The following PABPC1L variants were observed in gnomAD, a reference collection of about 807,000 sequenced individuals.
The protein encoded by PABPC1L is poly(A) binding protein cytoplasmic 1 like, also known as polyadenylate-binding protein 1-like.
In PABPC1L, 31 loss-of-function variants were observed where a neutral mutation model predicts 66.6. The observed-to-expected ratio is 0.47, with a 90% confidence interval of 0.35 to 0.63. The LOEUF is 0.63. Ranked by LOEUF, PABPC1L falls within the 20% of genes least tolerant of loss-of-function variation. PABPC1L has a pLI of 0.00. For synonymous variants in PABPC1L, 348 were observed against 335.1 expected (o/e 1.04, Z -0.42); for missense variants, 722 against 848.8 (o/e 0.85, Z 1.86).
chr20:44,925,664 C>CA (rs1281111591), intron 7 of PABPC1L, among the ~76,000 whole-genome samples: 1 of 152,184 alleles, frequency 6.6e-6, no homozygotes, highest in Non-Finnish European at 1.5e-5. Flanking sequence ...AAACATCCTT[C>CA]AGGGAGCCTT....
chr20:44,921,591 C>T lies in PABPC1L; in HGVS notation c.739-3C>T. On this transcript the variant is annotated splice_region_variant and splice_polypyrimidine_tract_variant and intron_variant, in intron 5 of 14. Transcript: ENST00000217073. ...CAAGCATGTTCCCTCCTCCTTTCCC[C>T]AGGCCGTGGTCCATATGAACGGGAA... 6.2e-7 allele frequency: 1 copy of T among 1,613,768 alleles called. No individual in the cohort carries two copies. The highest frequency in any genetic ancestry group is 8.5e-7 in the Non-Finnish European group (1 of 1,179,870).
chr20:44,925,328 C>G (rs1469759704), intron 7 of PABPC1L, among the ~76,000 whole-genome samples: 2 of 151,902 alleles, frequency 1.3e-5, no homozygotes, highest in South Asian at 4.2e-4. Context: ...AGGAGCAAAT[C>G]AGATGTGATC....
intron 10 of PABPC1L, among the ~76,000 whole-genome samples, chr20:44,933,748 ATTT>A (rs749525367): frequency 3.3e-5 from 4 of 119,460 alleles, no homozygotes; most frequent in African/African-American, 3.3e-5. Context: ...CCCAGCCTTA[ATTT>A]TTTTTTTTTT....
At chr20:44,927,869 A>T (rs6065765) in intron 7 of PABPC1L, among the ~76,000 whole-genome samples, 1 of 151,446 alleles carries the variant, frequency 6.6e-6, no homozygotes, top group Non-Finnish European at 1.5e-5. Flanking sequence ...TTTTTATATT[A>T]CCCAGGCTGG....
rs528105678 is a variant in PABPC1L, at chr20:44,922,708, T to C, written c.876+977T>C. Among the ~76,000 whole-genome samples, 6 of 152,328 alleles carry C rather than the reference T, an allele frequency of 3.9e-5. 1 individual carries two copies. In the South Asian group the frequency reaches 1.2e-3, roughly 32 times the overall value. On this transcript the variant is annotated intron_variant, in intron 6 of 14. Transcript: ENST00000217073. ...TTTCATAAAAGTTCTAGATCCTTCATGGAGAGGGGCATATAAATATACATA... is the reference window on the plus strand; with the variant it reads ...TTTCATAAAAGTTCTAGATCCTTCACGGAGAGGGGCATATAAATATACATA...
At chr20:44,931,077 C>CTT (rs1452862011) in intron 8 of PABPC1L, among the ~76,000 whole-genome samples, 2 of 84,756 alleles carry the variant, frequency 2.4e-5, no homozygotes, top group African/African-American at 7.8e-5. Context: ...CCCTCCCTCC[C>CTT]TCCCTCCCTC....
rs746706987 is a variant in PABPC1L, at chr20:44,935,423, G to T, written c.1492G>T (p.Gly498Trp). ...TGGTACTCAGACCACAGGACCCAGT[G>T]GGGTAGGATGCTGTACACCAGGCCG... ...NIGTQTTGPSGVGCCTPGRPL... is the reference protein window; with the variant it reads ...NIGTQTTGPSWVGCCTPGRPL... The change falls in exon 11 of 15, where the codon GGG becomes TGG. Residue 498 changes from glycine (G) to tryptophan (W), a missense_variant. Coordinates refer to ENST00000217073, the MANE Select transcript of PABPC1L (RefSeq NM_001372179.1). 1 of 1,614,198 alleles carries T rather than the reference G, an allele frequency of 6.2e-7. No homozygotes were observed. The highest frequency in any genetic ancestry group is 8.5e-7 in the Non-Finnish European group (1 of 1,180,022).
intron 7 of PABPC1L, among the ~76,000 whole-genome samples, chr20:44,924,740 GCA>G (rs1332607247): frequency 6.6e-6 from 1 of 152,160 alleles, no homozygotes; most frequent in Admixed American, 6.6e-5. Flanking sequence ...TGGCCCATCA[GCA>G]GCTCTATGAG....
At chr20:44,934,783 G>A (rs1389682701) in intron 10 of PABPC1L, among the ~76,000 whole-genome samples, 1 of 152,128 alleles carries the variant, frequency 6.6e-6, no homozygotes, top group African/African-American at 2.4e-5. Context: ...GAAAATGGTT[G>A]TGCAGGCTGG....
At chr20:44,936,390 T>C (rs1257469647) in intron 11 of PABPC1L, among the ~76,000 whole-genome samples, 25 of 152,200 alleles carry the variant, frequency 1.6e-4, no homozygotes. Context: ...CTTTCCTTTA[T>C]CAACGTTCAT....
intron 14 of PABPC1L, 81 bp from the exon 15 acceptor site, chr20:44,939,045 C>T: frequency 1.4e-6 from 1 of 714,638 alleles, no homozygotes. Context: ...AAGGCCTGGC[C>T]AGGATGTAAC....
chr20:44,931,007 C>CCTTCCTTCCTTCCTCCCTT (rs1568649861), intron 8 of PABPC1L, among the ~76,000 whole-genome samples: 1 of 68,274 alleles, frequency 1.5e-5, no homozygotes, highest in Middle Eastern at 6.8e-3. Flanking sequence ...TTTCCTTCCT[C>CCTTCCTTCCTTCCTCCCTT]CCTTCCTTCC....
intron 8 of PABPC1L, 116 bp from the exon 9 acceptor site, chr20:44,932,226 C>A: frequency 1.5e-6 from 1 of 685,752 alleles, no homozygotes; most frequent in Non-Finnish European, 2.4e-6. Flanking sequence ...TGGGTCTTGA[C>A]TCACCAGTCC....
intron 11 of PABPC1L, among the ~76,000 whole-genome samples, chr20:44,936,046 C>T (rs2066898389): frequency 6.6e-6 from 1 of 151,700 alleles, no homozygotes; most frequent in Non-Finnish European, 1.5e-5. Context: ...GATCATAGCT[C>T]ACTGCAGCCT....
intron 11 of PABPC1L, among the ~76,000 whole-genome samples, chr20:44,935,729 A>T (rs1207259863): frequency 6.6e-6 from 1 of 152,240 alleles, no homozygotes; most frequent in Non-Finnish European, 1.5e-5. Flanking sequence ...ATTAATTTGG[A>T]TATCCTTAGT....
intron 12 of PABPC1L, among the ~76,000 whole-genome samples, chr20:44,937,600 A>G (rs2066911154): frequency 6.6e-6 from 1 of 152,064 alleles, no homozygotes; most frequent in Admixed American, 6.5e-5. Context: ...TTTTTATTAG[A>G]GATGGGGTTT....
chr20:44,928,555 GACCT>G (rs1287176541), intron 7 of PABPC1L, among the ~76,000 whole-genome samples: 1 of 151,942 alleles, frequency 6.6e-6, no homozygotes, highest in Non-Finnish European at 1.5e-5. Context: ...TTGTATCCAT[GACCT>G]ACCTGAGGGG....
intron 1 of PABPC1L, among the ~76,000 whole-genome samples, chr20:44,912,230 G>A (rs1428122028): frequency 6.6e-6 from 1 of 152,130 alleles, no homozygotes; most frequent in Non-Finnish European, 1.5e-5. Context: ...CTGCCCTGCA[G>A]CACCTCTGAG....
Position 44,938,075 on chromosome 20 carries a change from C to T in PABPC1L, c.1675C>T (p.Pro559Ser). 1.2e-6 allele frequency: 2 copies of T among 1,614,142 alleles called. No homozygotes were observed. Among genetic ancestry groups the T allele is most frequent in the Non-Finnish European group, 1.7e-6 (2 of 1,180,018 alleles). Residue 559 changes from proline (P) to serine (S), a missense_variant, in exon 13 of 15, where the codon CCC becomes TCC. Around this residue, in one of 3 missense-constraint regions of PABPC1L, gnomAD observed 301 missense variants for 337.2 expected, o/e 0.89. Coordinates refer to ENST00000217073, the MANE Select transcript of PABPC1L (RefSeq NM_001372179.1). ...QKQMIGERLY[P>S]LIHDVHTQLA... ...GTTCCACACAGGGGAGCGTCTCTACCCCCTTATCCATGATGTCCACACCCA... is the reference window on the plus strand; with the variant it reads ...GTTCCACACAGGGGAGCGTCTCTACTCCCTTATCCATGATGTCCACACCCA...
Sources: gnomAD v4.1 joint callset for allele counts (sites outside exome capture counted in the v4.1 genomes callset) on GRCh38, gnomAD v4.1.1 for gene constraint, gnomAD v4.1.1 regional missense constraint, MANE v1.5 for transcripts, NCBI Gene and HGNC (gene_info 2026-07-23, HGNC 2026-07-21) for gene names.